CARS2: variants seen among roughly 807,000 people sequenced by gnomAD.
The protein encoded by CARS2 is cysteinyl-tRNA synthetase 2, mitochondrial.
In CARS2, 52 loss-of-function variants were observed where a neutral mutation model predicts 68.8. That is an observed-to-expected ratio of 0.76 (90% CI 0.61 to 0.95). The LOEUF (loss-of-function observed/expected upper bound fraction) is 0.95. Among genes scored for constraint, CARS2 ranks in the 40% least tolerant of loss-of-function variants. The probability of loss-of-function intolerance (pLI) is 0.00; values close to 1 mark genes in which losing one functional copy is unlikely to be tolerated. For synonymous variants in CARS2, 314 were observed against 303.6 expected (o/e 1.03, Z -0.36); for missense variants, 780 against 754.2 (o/e 1.03, Z -0.40).
chr13:110,702,420 A>T (rs527504636), intron 2 of CARS2, among the ~76,000 whole-genome samples: 1 of 152,350 alleles, frequency 6.6e-6, no homozygotes, highest in Non-Finnish European at 1.5e-5. Context: ...ACCACCTAAC[A>T]GGACTGCTGT....
At chr13:110,643,872 CG>C (rs1353950616) in intron 13 of CARS2, 1 of 257,000 alleles carries the variant, frequency 3.9e-6, no homozygotes, top group Non-Finnish European at 7.9e-6. Context: ...TGAGTTACAA[CG>C]GAAGAGAAGG....
chr13:110,652,334 G>A (rs111898572), intron 9 of CARS2, among the ~76,000 whole-genome samples: 74 of 152,364 alleles, frequency 4.9e-4, no homozygotes, highest in African/African-American at 1.5e-3. Context: ...CGGAAACGGC[G>A]GAGTCCAGCT....
Position 110,687,970 on chromosome 13 carries a change from T to C in CARS2, c.442A>G (p.Lys148Glu), listed in dbSNP as rs763725050. 14 of 1,612,916 alleles carry C rather than the reference T, an allele frequency of 8.7e-6. No homozygotes were observed. The South Asian group carries it at 1.5e-4, about 18-fold the overall frequency. Residue 148 changes from lysine (K) to glutamate (E), a missense_variant, in exon 4 of 15, where the codon AAG (lysine) becomes GAG (glutamate). Coordinates refer to ENST00000257347, the MANE Select transcript of CARS2 (RefSeq NM_024537.4). ...ACCTTCAGGGCTGCCATGTCCTGCT[T>C]GAAGTCTTCCTCATAAAGACTGGCG... is the stretch of plus-strand genomic sequence containing the variant. ...SLASLYEEDF[K>E]QDMAALKVLP...
At chr13:110,641,834 G>C (rs917529811) in intron 14 of CARS2, among the ~76,000 whole-genome samples, 1 of 152,202 alleles carries the variant, frequency 6.6e-6, no homozygotes, top group Non-Finnish European at 1.5e-5. Flanking sequence ...CCCGTGCTCA[G>C]CGTCCCCTGC....
intron 2 of CARS2, among the ~76,000 whole-genome samples, chr13:110,702,030 T>C (rs905294782): frequency 6.6e-6 from 1 of 152,238 alleles, no homozygotes; most frequent in African/African-American, 2.4e-5. Flanking sequence ...GTGTAGAATA[T>C]TTAAAAATGC....
At chr13:110,664,753 G>T in intron 8 of CARS2, 1 of 585,410 alleles carries the variant, frequency 1.7e-6, no homozygotes, top group Non-Finnish European at 2.2e-6. Context: ...TGAAGGCAGG[G>T]CCTGTGGGAG....
At chr13:110,652,733 A>G (rs929116915) in intron 9 of CARS2, among the ~76,000 whole-genome samples, 1 of 152,214 alleles carries the variant, frequency 6.6e-6, no homozygotes, top group Non-Finnish European at 1.5e-5. Flanking sequence ...TGCTGGGCCA[A>G]TGCCCTAACA....
chr13:110,673,842 A>C (rs1024669990), intron 7 of CARS2, among the ~76,000 whole-genome samples: 4 of 152,206 alleles, frequency 2.6e-5, no homozygotes, highest in Non-Finnish European at 5.9e-5. Context: ...AATCTCCTTA[A>C]GCTGATAAGC....
intron 3 of CARS2, among the ~76,000 whole-genome samples, chr13:110,689,332 G>A (rs1045214759): frequency 6.6e-6 from 1 of 152,212 alleles, no homozygotes; most frequent in African/African-American, 2.4e-5. Context: ...CGGGAACCAA[G>A]TCTCCCCATT....
intron 11 of CARS2, chr13:110,646,326 A>C: frequency 2.2e-6 from 1 of 444,926 alleles, no homozygotes; most frequent in Non-Finnish European, 4.0e-6. Context: ...TGACACTTAA[A>C]ATACAAGACA....
In CARS2 at chr13:110,661,357, C is replaced by T. The variant is rs1338412130; in HGVS notation, c.987+2094G>A. On this transcript the variant is annotated intron_variant, in intron 9 of 14. Coordinates refer to ENST00000257347, the MANE Select transcript of CARS2 (RefSeq NM_024537.4). Reference sequence around the variant, plus strand: ...CAAACCAACCCCTGCTAGCTTCCAACTTTTCTTTGCAGCTTTCTCATCTCT... The same window carrying T: ...CAAACCAACCCCTGCTAGCTTCCAATTTTTCTTTGCAGCTTTCTCATCTCT... 3.3e-5 allele frequency among the ~76,000 whole-genome samples: 5 copies of T among 152,240 alleles called. No individual in the cohort carries two copies. The East Asian group carries it at 9.6e-4, about 29-fold the overall frequency.
intron 9 of CARS2, among the ~76,000 whole-genome samples, chr13:110,656,722 A>C (rs1276752306): frequency 6.6e-6 from 1 of 152,254 alleles, no homozygotes; most frequent in South Asian, 2.1e-4. Flanking sequence ...GTCTCTACTA[A>C]AAATACAAAA....
At chr13:110,708,628 C>A (rs867607773), upstream of CARS2, among the ~76,000 whole-genome samples, 30 of 150,376 alleles carry the variant, frequency 2.0e-4, no homozygotes, top group Middle Eastern at 7.0e-3. Context: ...GTGCAGTGGC[C>A]TGATCTGGGT....
chr13:110,673,036 T>C (rs917030283), intron 7 of CARS2, among the ~76,000 whole-genome samples: 4 of 152,180 alleles, frequency 2.6e-5, no homozygotes, highest in African/African-American at 4.8e-5. Context: ...AGTCCCTGAA[T>C]AGACCAATAA....
At chr13:110,650,999 G>T (rs778693201) in intron 10 of CARS2, 35 bp downstream of exon 10, 10 of 1,418,530 alleles carry the variant, frequency 7.0e-6, no homozygotes, top group Middle Eastern at 1.8e-4. Flanking sequence ...TCTCCGAGCT[G>T]GGGGGGGAGT....
chr13:110,704,307 G>C (rs1325879647), intron 2 of CARS2, among the ~76,000 whole-genome samples: 1 of 152,086 alleles, frequency 6.6e-6, no homozygotes. Context: ...GGTTTTCCAG[G>C]GTGGGGGTTT....
chr13:110,688,431 C>A (rs2063367409), intron 3 of CARS2, among the ~76,000 whole-genome samples: 1 of 152,022 alleles, frequency 6.6e-6, no homozygotes, highest in African/African-American at 2.4e-5. Flanking sequence ...TCCTTGGCAA[C>A]AGGACGAGAC....
chr13:110,665,223 A>G lies in CARS2; in HGVS notation c.920-1705T>C, dbSNP rs952986505. 2 of 921,952 alleles carry G rather than the reference A, an allele frequency of 2.2e-6. No individual in the cohort carries two copies. The highest frequency in any genetic ancestry group is 2.6e-6 in the Non-Finnish European group (2 of 772,180). 57.1% of individuals were successfully genotyped at this position (921,952 alleles called of 1,614,324 possible). On this transcript the variant is annotated intron_variant, in intron 8 of 14. Coordinates refer to ENST00000257347, the MANE Select transcript of CARS2 (RefSeq NM_024537.4). The surrounding 1 kb of genome is among the most constrained non-coding windows in gnomAD (Gnocchi z 4.3). The stretch of plus-strand genomic sequence containing the variant: ...GCACTTTGGGAGGCAGAGGTGGCAG[A>G]TCACTTGAGGTCAGGGGTTTGAGCC...
rs543602000 is a variant in CARS2, at chr13:110,713,372, C to A, written n.164G>T. 31 of 1,055,290 alleles carry A rather than the reference C, an allele frequency of 2.9e-5. No homozygotes were observed. The African/African-American group carries it at 4.8e-4, about 16-fold the overall frequency. 65.4% of individuals were successfully genotyped at this position (1,055,290 alleles called of 1,614,324 possible). ...CGGGTTTTCAGCGAAGCAGGCCGCT[C>A]CCCTGCGTTTCCCAGCGGGCGTGCT... On this transcript the variant is annotated non_coding_transcript_exon_variant, in exon 1 of 3. Coordinates refer to the CARS2 transcript ENST00000485188.
Sources: gnomAD v4.1 joint callset for allele counts (sites outside exome capture counted in the v4.1 genomes callset) on GRCh38, gnomAD v4.1.1 for gene constraint, Gnocchi (gnomAD v3.1) non-coding constraint, MANE v1.5 for transcripts, NCBI Gene and HGNC (gene_info 2026-07-23, HGNC 2026-07-21) for gene names.